Variants in ALK observed in about 807,000 individuals in gnomAD.
ALK encodes the protein ALK receptor tyrosine kinase.
A neutral mutation model predicts 163.1 loss-of-function variants in ALK; 74 were observed. That is an observed-to-expected ratio of 0.45 (90% CI 0.38 to 0.55). The LOEUF is 0.55. Ranked by LOEUF, ALK falls within the 20% of genes least tolerant of loss-of-function variation. The probability of loss-of-function intolerance (pLI) is 0.00; values close to 1 mark genes in which losing one functional copy is unlikely to be tolerated. For synonymous variants in ALK, 960 were observed against 843.2 expected (o/e 1.14, Z -2.40); for missense variants, 2,063 against 2,105.3 (o/e 0.98, Z 0.39).
intron 3 of ALK, among the ~76,000 whole-genome samples, chr2:29,671,323 C>T (rs1397325954): frequency 6.6e-6 from 1 of 152,050 alleles, no homozygotes; most frequent in Non-Finnish European, 1.5e-5. Flanking sequence ...GCAGTTTGTG[C>T]CCAGGGAACC....
chr2:29,557,598 T>G (rs1673898991), intron 3 of ALK, among the ~76,000 whole-genome samples: 1 of 152,146 alleles, frequency 6.6e-6, no homozygotes, highest in African/African-American at 2.4e-5. Flanking sequence ...TGCATTCTCT[T>G]TCATTGGAAA....
intron 6 of ALK, 70 bp downstream of exon 6, chr2:29,328,280 G>C: frequency 6.2e-7 from 1 of 1,610,486 alleles, no homozygotes; most frequent in South Asian, 1.1e-5. Context: ...TCATGCCTGG[G>C]ATAATGGGGA....
At chr2:29,848,856 G>A (rs1373281170) in intron 1 of ALK, among the ~76,000 whole-genome samples, 3 of 152,130 alleles carry the variant, frequency 2.0e-5, no homozygotes, top group East Asian at 1.9e-4. Flanking sequence ...GCAGAGATGC[G>A]GCCACGAGGG....
chr2:29,663,956 G>A (rs1401916918), intron 3 of ALK, among the ~76,000 whole-genome samples: 1 of 152,100 alleles, frequency 6.6e-6, no homozygotes, highest in Admixed American at 6.6e-5. Context: ...TTGTTATGTT[G>A]AAACAACACA....
intron 9 of ALK, among the ~76,000 whole-genome samples, chr2:29,276,459 C>G (rs1665549684): frequency 6.6e-6 from 1 of 152,172 alleles, no homozygotes; most frequent in South Asian, 2.1e-4. Context: ...CTTTCCTGCT[C>G]TAAGTGAAGG....
In ALK at chr2:29,223,508, C is replaced by G. The variant is rs1426252423; in HGVS notation, c.3193G>C (p.Glu1065Gln). The G allele has an allele frequency of 6.2e-7, 1 of 1,613,950 alleles. No homozygotes were observed. Among genetic ancestry groups the G allele is most frequent in the South Asian group, 1.1e-5 (1 of 91,060 alleles). The change falls in exon 20 of 29, where the codon GAG becomes CAG. Residue 1065 changes from glutamate to glutamine, a missense_variant. This residue lies in a region of ALK where 575 missense variants were observed against 626.6 expected (regional missense o/e 0.92). Transcript: ENST00000389048. ...IMIVYRRKHQ[E>Q]LQAMQMELQS... is the part of the protein sequence containing the mutation. ...AGCTCCATCTGCATGGCTTGCAGCT[C>G]CTGGTGCTTCCGGCGGTACACTGCA...
rs529313507 is a variant in ALK at position 29,872,409 on chromosome 2, A to G, written c.667+47584T>C. 2.9e-4 allele frequency among the ~76,000 whole-genome samples: 44 copies of G among 152,376 alleles called. No individual in the cohort carries two copies. The East Asian group carries it at 8.3e-3, about 29-fold the overall frequency. On this transcript the variant is annotated intron_variant, in intron 1 of 28. Coordinates refer to ENST00000389048, the MANE Select transcript of ALK (RefSeq NM_004304.5). ...AGTGGGGTTATGTCCTGATAAACCC[A>G]GAGTAATTGAAAATATTGTAAGTCA...
rs557405511 is a variant in ALK, at chr2:29,747,159, C to G, written c.668-29462G>C. 5.0e-3 allele frequency among the ~76,000 whole-genome samples: 754 copies of G among 152,318 alleles called. 3 individuals carry two copies. Among genetic ancestry groups the G allele is most frequent in the Middle Eastern group, 0.021 (6 of 292 alleles). On this transcript the variant is annotated intron_variant, in intron 1 of 28. Coordinates refer to ENST00000389048, the MANE Select transcript of ALK (RefSeq NM_004304.5). ...ATGGAAAAGCCCTCCTCAATTAAAA[C>G]TCCAGCTTGACCTCTCTCAAACTGT...
intron 4 of ALK, among the ~76,000 whole-genome samples, chr2:29,469,045 A>C (rs1012589987): frequency 1.3e-5 from 2 of 152,114 alleles, no homozygotes; most frequent in African/African-American, 4.8e-5. Flanking sequence ...AACACTAGGC[A>C]TAAATGGGCT....
At chr2:29,237,618 A>G (rs1369166745) in intron 13 of ALK, among the ~76,000 whole-genome samples, 3 of 152,218 alleles carry the variant, frequency 2.0e-5, no homozygotes, top group African/African-American at 7.2e-5. Flanking sequence ...AAGTTCCTGT[A>G]ACAGGGATGG....
intron 3 of ALK, among the ~76,000 whole-genome samples, chr2:29,586,367 T>G (rs1674888957): frequency 6.6e-6 from 1 of 152,238 alleles, no homozygotes; most frequent in Non-Finnish European, 1.5e-5. Flanking sequence ...TTTTTAATTC[T>G]TATGTAATCA....
At chr2:29,814,487 T>C (rs1421062777) in intron 1 of ALK, among the ~76,000 whole-genome samples, 5 of 151,840 alleles carry the variant, frequency 3.3e-5, no homozygotes, top group African/African-American at 7.3e-5. Context: ...AGTGAAACCC[T>C]GTCTCTACTA....
chr2:29,705,951 A>G (rs1165318584), intron 2 of ALK, among the ~76,000 whole-genome samples: 1 of 152,226 alleles, frequency 6.6e-6, no homozygotes, highest in Non-Finnish European at 1.5e-5. Context: ...AGCTGGAAGC[A>G]TAAAAGGAAA....
At position 29,856,175 on chromosome 2, in the gene ALK, T is replaced by C. The variant is rs546996472; in HGVS notation, c.667+63818A>G. Among the ~76,000 whole-genome samples the C allele has an allele frequency of 6.6e-5, 10 of 152,230 alleles. No homozygotes were observed. In the South Asian group the frequency reaches 1.9e-3, roughly 28 times the overall value. On this transcript the variant is annotated intron_variant, in intron 1 of 28. Transcript: ENST00000389048. ...CATAACTCTAAGTTTCAGAAAAAAC[T>C]TGGGGTTGAATTTTAGCTCTCTTGC... is the stretch of plus-strand genomic sequence containing the variant.
intron 1 of ALK, among the ~76,000 whole-genome samples, chr2:29,719,296 C>G (rs535203821): frequency 9.8e-5 from 15 of 152,338 alleles, no homozygotes; most frequent in African/African-American, 3.1e-4. Flanking sequence ...GAGATTAGAA[C>G]TGAATTGATT....
intron 3 of ALK, among the ~76,000 whole-genome samples, chr2:29,649,725 T>A (rs1465157021): frequency 2.0e-5 from 3 of 152,094 alleles, no homozygotes; most frequent in Non-Finnish European, 4.4e-5. Flanking sequence ...GTTGGTATGG[T>A]GCACCCATGC....
At chr2:29,632,575 A>C (rs1382804628) in intron 3 of ALK, among the ~76,000 whole-genome samples, 1 of 152,232 alleles carries the variant, frequency 6.6e-6, no homozygotes, top group African/African-American at 2.4e-5. Context: ...CTCTCTCCCC[A>C]TTCCCCACCA....
intron 1 of ALK, among the ~76,000 whole-genome samples, chr2:29,847,189 C>T (rs79468102): frequency 6.6e-6 from 1 of 152,194 alleles, no homozygotes; most frequent in Non-Finnish European, 1.5e-5. Flanking sequence ...GTATTCTCAT[C>T]TATGAATAGG....
intron 1 of ALK, among the ~76,000 whole-genome samples, chr2:29,758,784 T>G (rs1182292408): frequency 6.6e-6 from 1 of 152,198 alleles, no homozygotes; most frequent in Non-Finnish European, 1.5e-5. Context: ...TGTCAGGCCT[T>G]CAAATTCCTG....
Sources: allele counts gnomAD v4.1 joint callset (sites outside exome capture counted in the v4.1 genomes callset), GRCh38; gene constraint gnomAD v4.1.1; regional missense constraint gnomAD v4.1.1; transcripts MANE v1.5; gene names NCBI Gene and HGNC (gene_info 2026-07-23, HGNC 2026-07-21).